RBFOX1: variants seen among roughly 807,000 people sequenced by gnomAD.
RBFOX1 encodes RNA binding fox-1 homolog 1.
In RBFOX1, 8 loss-of-function variants were observed where a neutral mutation model predicts 57.7. That is an observed-to-expected ratio of 0.14 (90% CI 0.08 to 0.25). RBFOX1 has a LOEUF of 0.25. RBFOX1 is among the 10% of genes least tolerant of loss of function. The probability of loss-of-function intolerance (pLI) is 1.00; values close to 1 mark genes in which losing one functional copy is unlikely to be tolerated. For synonymous variants in RBFOX1, 326 were observed against 222.4 expected (o/e 1.47, Z -4.15); for missense variants, 611 against 548.5 (o/e 1.11, Z -1.14).
intron 2 of RBFOX1, among the ~76,000 whole-genome samples, chr16:6,576,606 A>T (rs760474068): frequency 6.6e-6 from 1 of 152,098 alleles, no homozygotes; most frequent in African/African-American, 2.4e-5. Context: ...TTGAACTCCA[A>T]CTGGGAGGAA....
chr16:7,000,175 A>T (rs572466893), intron 3 of RBFOX1, among the ~76,000 whole-genome samples: 26 of 152,290 alleles, frequency 1.7e-4, no homozygotes, highest in Non-Finnish European at 3.2e-4. Context: ...TAAGGAAAAA[A>T]AAAGTACTGT....
chr16:5,698,160 A>G (rs1485132110), intron 3 of RBFOX1, among the ~76,000 whole-genome samples: 2 of 152,126 alleles, frequency 1.3e-5, no homozygotes, highest in Non-Finnish European at 2.9e-5. Context: ...AGATTTTTAC[A>G]TCTGTGTTGA....
chr16:7,483,412 T>A (rs568137677), intron 4 of RBFOX1, among the ~76,000 whole-genome samples: 2 of 152,348 alleles, frequency 1.3e-5, no homozygotes, highest in East Asian at 3.9e-4. Flanking sequence ...TTGTGAAAGA[T>A]GGTAATAATG....
chr16:6,658,928 G>GTTTTTTT (rs981949678), intron 3 of RBFOX1, among the ~76,000 whole-genome samples: 3,758 of 87,502 alleles, frequency 0.043, 69 homozygotes, highest in Non-Finnish European at 0.066. Flanking sequence ...TTGTTTTTTG[G>GTTTTTTT]TTTTTTTGTT....
intron 4 of RBFOX1, among the ~76,000 whole-genome samples, chr16:7,183,638 G>T (rs114870065): frequency 6.6e-6 from 1 of 152,200 alleles, no homozygotes; most frequent in Non-Finnish European, 1.5e-5. Flanking sequence ...GGGTCCCGAA[G>T]CAGGAACATG....
At chr16:7,196,955 C>A (rs1048323150) in intron 4 of RBFOX1, among the ~76,000 whole-genome samples, 5 of 152,132 alleles carry the variant, frequency 3.3e-5, no homozygotes, top group African/African-American at 9.6e-5. Context: ...ATATATAAAT[C>A]CAGTGGTCTA....
chr16:5,465,064 C>T (rs1259193014), intron 1 of RBFOX1, among the ~76,000 whole-genome samples: 1 of 152,134 alleles, frequency 6.6e-6, no homozygotes, highest in East Asian at 1.9e-4. Context: ...GCCATATCTG[C>T]CTGGGTGTGT....
intron 4 of RBFOX1, among the ~76,000 whole-genome samples, chr16:7,098,210 T>C (rs7194505): frequency 0.59 from 89,959 of 152,040 alleles, 26,990 homozygotes; most frequent in African/African-American, 0.68. Context: ...AGCTCTGTCA[T>C]CCAAGCTAGA....
intron 13 of RBFOX1, among the ~76,000 whole-genome samples, chr16:7,670,003 A>T (rs1193399800): frequency 6.6e-6 from 1 of 152,102 alleles, no homozygotes; most frequent in East Asian, 1.9e-4. Flanking sequence ...TGAAACAAGG[A>T]ATCTTACCTC....
At chr16:6,936,317 A>G (rs2077355580) in intron 3 of RBFOX1, among the ~76,000 whole-genome samples, 1 of 152,190 alleles carries the variant, frequency 6.6e-6, no homozygotes, top group African/African-American at 2.4e-5. Context: ...GAAATGCAAG[A>G]TATTTGTTTT....
intron 3 of RBFOX1, among the ~76,000 whole-genome samples, chr16:5,767,835 C>A (rs2053841099): frequency 6.6e-6 from 1 of 152,110 alleles, no homozygotes; most frequent in Admixed American, 6.5e-5. Context: ...CACCTCCTCC[C>A]CCTCACTCAG....
rs575676851 is a variant in RBFOX1, at chr16:7,708,128, C to A, written c.996-928C>A. Among the ~76,000 whole-genome samples, 12 of 152,216 alleles carry A rather than the reference C, an allele frequency of 7.9e-5. No homozygotes were observed. The South Asian group carries it at 2.5e-3, about 32-fold the overall frequency. ...CTGAGGCTGGTAGACTACTTGAACC[C>A]TGGAGTTTTGAACCAACCTGAGTAA... On this transcript the variant is annotated intron_variant, in intron 14 of 15. Coordinates refer to ENST00000550418, the MANE Select transcript of RBFOX1 (RefSeq NM_018723.4).
chr16:5,891,211 G>T (rs2058037955), intron 4 of RBFOX1, among the ~76,000 whole-genome samples: 1 of 143,898 alleles, frequency 6.9e-6, no homozygotes. Context: ...TCTCTCTCGT[G>T]CATGTGAGGG....
chr16:6,658,261 A>G (rs527733477), intron 3 of RBFOX1, among the ~76,000 whole-genome samples: 12 of 150,412 alleles, frequency 8.0e-5, no homozygotes, highest in Admixed American at 5.9e-4. Context: ...TTTTTTTAAC[A>G]GTCTCCCTCT....
rs530288649 is a variant in RBFOX1 at position 6,431,882 on chromosome 16, A to ATGCTTGCTTGCTTGCTTGCTTGCTTGCT, written c.-64+114842_-64+114843insGCTTGCTTGCTTGCTTGCTTGCTTGCTT. On this transcript the variant is annotated intron_variant, in intron 2 of 15. Transcript: ENST00000550418. ...TTTATTTATGAACATGTCCAGAAAT[A>ATGCTTGCTTGCTTGCTTGCTTGCTTGCT]TGCTTGCTTGCTTGCTTTCTTTCTT... 1.8e-3 allele frequency among the ~76,000 whole-genome samples: 231 copies of ATGCTTGCTTGCTTGCTTGCTTGCTTGCT among 126,478 alleles called. 4 individuals are homozygous for ATGCTTGCTTGCTTGCTTGCTTGCTTGCT. Among genetic ancestry groups the ATGCTTGCTTGCTTGCTTGCTTGCTTGCT allele is most frequent in the South Asian group, 4.8e-3 (16 of 3,366 alleles). The allele number at this position is 126,478 out of a possible 152,430, so 83.0% of individuals were successfully genotyped here. A position where few individuals can be genotyped will look rare whatever the true frequency, so the allele number is the denominator to read the frequency against.
At chr16:5,561,175 C>T (rs1358633061) in intron 2 of RBFOX1, among the ~76,000 whole-genome samples, 1 of 152,100 alleles carries the variant, frequency 6.6e-6, no homozygotes, top group African/African-American at 2.4e-5. Context: ...GCTGCCTGAT[C>T]CTTCATCCAT....
chr16:7,427,524 C>G, intron 4 of RBFOX1, among the ~76,000 whole-genome samples: 1 of 152,184 alleles, frequency 6.6e-6, no homozygotes, highest in East Asian at 1.9e-4. Context: ...CAGTCTCTAA[C>G]CAACTTCTGA....
rs1247094281 is a variant in RBFOX1, at chr16:6,716,738, TC to T, written c.-16+62090del. On this transcript the variant is annotated intron_variant, in intron 3 of 15. Transcript: ENST00000550418. ...CCAGTGGGCATGTAACCCAATTCTA[TC>T]CAGTTATACTTGTGTTGGGAAGGGA... is the stretch of plus-strand genomic sequence containing the variant. Among the ~76,000 whole-genome samples, 8 of 152,304 alleles carry T rather than the reference TC, an allele frequency of 5.3e-5. No homozygotes were observed. The East Asian group carries it at 1.2e-3, about 22-fold the overall frequency.
At chr16:7,575,746 G>C (rs112592147) in intron 5 of RBFOX1, among the ~76,000 whole-genome samples, 4 of 152,128 alleles carry the variant, frequency 2.6e-5, no homozygotes, top group Admixed American at 2.0e-4. Flanking sequence ...ATAAAACGCT[G>C]GCTGGTTCTA....
Sources: allele counts gnomAD v4.1 joint callset (sites outside exome capture counted in the v4.1 genomes callset), GRCh38; gene constraint gnomAD v4.1.1; transcripts MANE v1.5; gene names NCBI Gene and HGNC (gene_info 2026-07-23, HGNC 2026-07-21).